Variants in CHST3 observed in about 807,000 individuals in gnomAD.
CHST3 encodes carbohydrate sulfotransferase 3.
CHST3 carries 20 observed loss-of-function variants against 35.4 expected under a neutral mutation model. That is an observed-to-expected ratio of 0.57 (90% confidence interval 0.40 to 0.82). CHST3 has a LOEUF of 0.82. Among genes scored for constraint, CHST3 ranks in the 40% least tolerant of loss-of-function variants. The pLI is 0.00. For synonymous variants in CHST3, 334 were observed against 295.9 expected (o/e 1.13, Z -1.32); for missense variants, 693 against 670.1 (o/e 1.03, Z -0.38).
At chr10:72,004,893 G>A (rs2131771310) in intron 1 of CHST3, among the ~76,000 whole-genome samples, 1 of 152,290 alleles carries the variant, frequency 6.6e-6, no homozygotes. Context: ...ACTTTGGGAG[G>A]CCGAGGCAGG....
At chr10:71,975,525 T>A (rs964582400) in intron 1 of CHST3, among the ~76,000 whole-genome samples, 1 of 152,242 alleles carries the variant, frequency 6.6e-6, no homozygotes, top group Non-Finnish European at 1.5e-5. Flanking sequence ...AGTCTGTAGA[T>A]CCATTTAGGA....
At chr10:71,968,916 G>A (rs1473458217) in intron 1 of CHST3, among the ~76,000 whole-genome samples, 1 of 152,130 alleles carries the variant, frequency 6.6e-6, no homozygotes, top group African/African-American at 2.4e-5. Flanking sequence ...CGTGAATAGG[G>A]AAGAAATTGC....
rs1840101221 is a variant in CHST3, at chr10:72,010,709, C to T, written c.*2238C>T. The T allele has an allele frequency of 6.6e-6, 1 of 152,208 alleles. No homozygotes were observed. The highest frequency in any genetic ancestry group is 1.5e-5 in the Non-Finnish European group (1 of 68,046). The allele number at this position is 152,208 out of a possible 1,614,324, so 9.4% of individuals were successfully genotyped here. A position where few individuals can be genotyped will look rare whatever the true frequency, so the allele number is the denominator to read the frequency against. ...AATTTGGAGTTCAAAGGAACACCAG[C>T]TCTGAAAACATGACCGTGGGGCCAG... is the stretch of plus-strand genomic sequence containing the variant. On this transcript the variant is annotated 3_prime_UTR_variant, in exon 3 of 3. Coordinates refer to ENST00000373115, the MANE Select transcript of CHST3 (RefSeq NM_004273.5).
chr10:71,965,539 A>C (rs1839621659), intron 1 of CHST3, among the ~76,000 whole-genome samples: 1 of 152,110 alleles, frequency 6.6e-6, no homozygotes, highest in South Asian at 2.1e-4. Flanking sequence ...TAAGCCTAAA[A>C]GGTTAGGGAG....
chr10:72,007,641 G>A lies in CHST3; in HGVS notation c.610G>A (p.Glu204Lys). The A allele has an allele frequency of 6.2e-7, 1 of 1,610,036 alleles. No homozygotes were observed. The highest frequency in any genetic ancestry group is 8.5e-7 in the Non-Finnish European group (1 of 1,179,558). Residue 204 changes from glutamate (E) to lysine (K), a missense_variant, in exon 3 of 3, where the codon GAG becomes AAG. Physicochemically the swap from Glu to Lys is moderately conservative, Grantham distance 56 (BLOSUM62 1). Transcript: ENST00000373115. ...CTTCCTGTGCGACCTGTACGTGCTG[G>A]AGCACTTCATCACGCCGCTGCCCGA... ...QLFLCDLYVL[E>K]HFITPLPEDH...
chr10:71,974,717 A>C (rs762385734), intron 1 of CHST3, among the ~76,000 whole-genome samples: 19 of 152,104 alleles, frequency 1.2e-4, no homozygotes, highest in Non-Finnish European at 2.5e-4. Context: ...TCTGCCCTCT[A>C]TGGTTCTCCT....
chr10:71,965,117 G>A (rs561768291), intron 1 of CHST3, among the ~76,000 whole-genome samples: 1 of 152,358 alleles, frequency 6.6e-6, no homozygotes, highest in Non-Finnish European at 1.5e-5. Flanking sequence ...CCCCCAAAGC[G>A]CAGCGGGCAG....
Position 72,012,212 on chromosome 10 carries a change from T to G in CHST3, c.*3741T>G, listed in dbSNP as rs1840118413. 6.6e-6 allele frequency: 1 copy of G among 152,132 alleles called. No individual in the cohort carries two copies. Among genetic ancestry groups the G allele is most frequent in the African/African-American group, 2.4e-5 (1 of 41,394 alleles). 9.4% of individuals were successfully genotyped at this position (152,132 alleles called of 1,614,324 possible). On this transcript the variant is annotated 3_prime_UTR_variant, in exon 3 of 3. Transcript: ENST00000373115. ...TCACACGACATCTTTCCCTCCCATC[T>G]CTGCCATCTGTCTGTCTGGCAATGG...
chr10:71,981,048 A>G (rs1295869932), intron 1 of CHST3, among the ~76,000 whole-genome samples: 2 of 152,210 alleles, frequency 1.3e-5, no homozygotes, highest in South Asian at 2.1e-4. Context: ...TCTAAAGGCA[A>G]TGAAAGGCGC....
intron 1 of CHST3, among the ~76,000 whole-genome samples, chr10:71,980,554 C>T (rs1402433832): frequency 2.0e-5 from 3 of 152,216 alleles, no homozygotes; most frequent in Non-Finnish European, 4.4e-5. Flanking sequence ...CGTTCGTGTG[C>T]ATCAGACTCA....
intron 1 of CHST3, among the ~76,000 whole-genome samples, chr10:71,984,558 C>A (rs886450605): frequency 1.3e-5 from 2 of 152,194 alleles, no homozygotes; most frequent in African/African-American, 4.8e-5. Flanking sequence ...CAGCTGCTCC[C>A]TTCTGGCTAA....
At chr10:72,007,070 A>G (rs994357938) in intron 2 of CHST3, 102 bp from the exon 3 acceptor site, 4 of 1,360,770 alleles carry the variant, frequency 2.9e-6, no homozygotes, top group South Asian at 2.5e-5. Context: ...GGGAAACCCA[A>G]CTGAGACAGG....
At chr10:71,994,570 C>G (rs550032913) in intron 1 of CHST3, among the ~76,000 whole-genome samples, 10 of 152,310 alleles carry the variant, frequency 6.6e-5, no homozygotes, top group Non-Finnish European at 1.2e-4. Context: ...GTTAAGGTCC[C>G]TAGGAGTTTT....
intron 1 of CHST3, among the ~76,000 whole-genome samples, chr10:72,002,272 A>T (rs1840001139): frequency 6.6e-6 from 1 of 152,198 alleles, no homozygotes; most frequent in Non-Finnish European, 1.5e-5. Context: ...TCTGGGGATG[A>T]GGAGGCTGGA....
intron 1 of CHST3, among the ~76,000 whole-genome samples, chr10:72,002,400 G>A (rs1194366376): frequency 6.6e-6 from 1 of 152,156 alleles, no homozygotes; most frequent in Non-Finnish European, 1.5e-5. Flanking sequence ...CAGAGGGAAG[G>A]GGGTAGCCAG....
At chr10:71,994,907 C>A (rs1357426996) in intron 1 of CHST3, among the ~76,000 whole-genome samples, 1 of 152,208 alleles carries the variant, frequency 6.6e-6, no homozygotes, top group Non-Finnish European at 1.5e-5. Context: ...AACCAACCAA[C>A]GCTAGCAGCT....
chr10:72,001,685 G>T (rs1043616972), intron 1 of CHST3, among the ~76,000 whole-genome samples: 4 of 152,148 alleles, frequency 2.6e-5, no homozygotes, highest in African/African-American at 7.2e-5. Context: ...TGTTGGCCAG[G>T]CTGGTCTCAA....
chr10:72,004,419 A>C (rs1840019114), intron 1 of CHST3, among the ~76,000 whole-genome samples: 1 of 152,186 alleles, frequency 6.6e-6, no homozygotes, highest in Admixed American at 6.5e-5. Context: ...GGGAGCCCTA[A>C]CATAGCCTGG....
chr10:71,990,702 C>T (rs1839889437), intron 1 of CHST3, among the ~76,000 whole-genome samples: 1 of 152,204 alleles, frequency 6.6e-6, no homozygotes, highest in African/African-American at 2.4e-5. Flanking sequence ...GGGCTCCACA[C>T]TGGTGACCTA....
Sources: allele counts gnomAD v4.1 joint callset (sites outside exome capture counted in the v4.1 genomes callset), GRCh38; gene constraint gnomAD v4.1.1; transcripts MANE v1.5; gene names NCBI Gene and HGNC (gene_info 2026-07-23, HGNC 2026-07-21).